ZC3H12C: variants seen among roughly 807,000 people sequenced by gnomAD.
ZC3H12C encodes probable ribonuclease ZC3H12C.
A neutral mutation model predicts 76.3 loss-of-function variants in ZC3H12C; 20 were observed. The observed-to-expected ratio is 0.26, with a 90% confidence interval of 0.18 to 0.38. The LOEUF (loss-of-function observed/expected upper bound fraction) is 0.38. Ranked by LOEUF, ZC3H12C falls within the 10% of genes least tolerant of loss-of-function variation. The probability of loss-of-function intolerance (pLI) is 1.00; values close to 1 mark genes in which losing one functional copy is unlikely to be tolerated. For synonymous variants in ZC3H12C, 352 were observed against 399.6 expected (o/e 0.88, Z 1.42); for missense variants, 874 against 1,086.5 (o/e 0.80, Z 2.75).
At chr11:110,139,576 A>G (rs1862032317) in intron 2 of ZC3H12C, among the ~76,000 whole-genome samples, 1 of 152,292 alleles carries the variant, frequency 6.6e-6, no homozygotes, top group Admixed American at 6.5e-5. Flanking sequence ...CTTCAGTAAG[A>G]TTACCTCTTG....
chr11:110,154,841 A>AAAAAAC (rs1862345553), intron 3 of ZC3H12C, among the ~76,000 whole-genome samples: 1 of 150,738 alleles, frequency 6.6e-6, no homozygotes, highest in Non-Finnish European at 1.5e-5. Context: ...GATTAAAAAA[A>AAAAAAC]AAAAAAAAAA....
rs1255362127 is a variant in ZC3H12C at position 110,170,729 on chromosome 11, G to A, written c.*4992G>A. 6.6e-6 allele frequency: 1 copy of A among 152,142 alleles called. No homozygotes were observed. The highest frequency in any genetic ancestry group is 1.5e-5 in the Non-Finnish European group (1 of 68,024). 9.4% of individuals were successfully genotyped at this position (152,142 alleles called of 1,614,324 possible). ...GTTTATTCACAGTGCTTTATACCGG[G>A]TGTTGCATCAGTAATCATTTTCATA... On this transcript the variant is annotated 3_prime_UTR_variant, in exon 6 of 6. Coordinates refer to ENST00000278590, the MANE Select transcript of ZC3H12C (RefSeq NM_033390.2).
At chr11:110,133,630 C>G (rs1262849702) in intron 1 of ZC3H12C, among the ~76,000 whole-genome samples, 1 of 152,008 alleles carries the variant, frequency 6.6e-6, no homozygotes, top group Non-Finnish European at 1.5e-5. Context: ...TAAATTATCA[C>G]TTTAAAAATA....
intron 1 of ZC3H12C, chr11:110,136,002 C>T (rs1412217178): frequency 1.3e-5 from 2 of 152,162 alleles, no homozygotes; most frequent in African/African-American, 2.4e-5. Context: ...GGGCAAAACC[C>T]TGTTCATCTC....
At position 110,169,128 on chromosome 11, in the gene ZC3H12C, G is replaced by C. The variant is rs1179016073; in HGVS notation, c.*3391G>C. ...GCAGTTCTTCACTGGTTTTATTCTTGGTATTTTCAAAGAATTATTTTGATA... is the reference window on the plus strand; with the variant it reads ...GCAGTTCTTCACTGGTTTTATTCTTCGTATTTTCAAAGAATTATTTTGATA... On this transcript the variant is annotated 3_prime_UTR_variant, in exon 6 of 6. Coordinates refer to ENST00000278590, the MANE Select transcript of ZC3H12C (RefSeq NM_033390.2). 6.6e-6 allele frequency: 1 copy of C among 151,578 alleles called. No individual in the cohort carries two copies. The highest frequency in any genetic ancestry group is 2.4e-5 in the African/African-American group (1 of 41,240). 9.4% of individuals were successfully genotyped at this position (151,578 alleles called of 1,614,324 possible). A position where few individuals can be genotyped will look rare whatever the true frequency, so the allele number is the denominator to read the frequency against.
rs950668418 is a variant in ZC3H12C at position 110,171,400 on chromosome 11, A to G, written c.*5663A>G. 9.9e-5 allele frequency: 15 copies of G among 152,102 alleles called. No homozygotes were observed. The highest frequency in any genetic ancestry group is 3.4e-4 in the African/African-American group (14 of 41,426). The allele number at this position is 152,102 out of a possible 1,614,324, so 9.4% of individuals were successfully genotyped here. ...TCATATGCTGCTAGTAGAATTTTTT[A>G]TTTGATCCTGCGAACTTTTCTTATA... On this transcript the variant is annotated 3_prime_UTR_variant, in exon 6 of 6. Coordinates refer to ENST00000278590, the MANE Select transcript of ZC3H12C (RefSeq NM_033390.2).
chr11:110,169,918 T>C lies in ZC3H12C; in HGVS notation c.*4181T>C, dbSNP rs1458749089. 1 of 152,182 alleles carries C rather than the reference T, an allele frequency of 6.6e-6. No individual in the cohort carries two copies. Among genetic ancestry groups the C allele is most frequent in the East Asian group, 1.9e-4 (1 of 5,200 alleles). The allele number at this position is 152,182 out of a possible 1,614,324, so 9.4% of individuals were successfully genotyped here. A position where few individuals can be genotyped will look rare whatever the true frequency, so the allele number is the denominator to read the frequency against. ...GAACAGCCACAGATAACATGTAAAT[T>C]AGTGTGGCTGTGTTCCAATAAAACT... is the stretch of plus-strand genomic sequence containing the variant. On this transcript the variant is annotated 3_prime_UTR_variant, in exon 6 of 6. Coordinates refer to ENST00000278590, the MANE Select transcript of ZC3H12C (RefSeq NM_033390.2).
At chr11:110,125,421 A>AG (rs999891251) in intron 1 of ZC3H12C, among the ~76,000 whole-genome samples, 2 of 152,122 alleles carry the variant, frequency 1.3e-5, no homozygotes, top group Non-Finnish European at 1.5e-5. Context: ...TCCAGGTTCA[A>AG]GGGATTCTCC....
Position 110,093,448 on chromosome 11 carries a change from G to A in ZC3H12C, c.21+16G>A. 8.3e-7 allele frequency: 1 copy of A among 1,205,076 alleles called. No homozygotes were observed. 74.6% of individuals were successfully genotyped at this position (1,205,076 alleles called of 1,614,324 possible). A position where few individuals can be genotyped will look rare whatever the true frequency, so the allele number is the denominator to read the frequency against. On this transcript the variant is annotated intron_variant, in intron 1 of 5. Transcript: ENST00000278590. The stretch of plus-strand genomic sequence containing the variant: ...CGGCTCCCAGGTTTGTCCTCGGGAA[G>A]GGGGTGGGGGACGCGGACCGCGGCG...
intron 2 of ZC3H12C, among the ~76,000 whole-genome samples, chr11:110,152,150 G>T (rs971170507): frequency 6.6e-6 from 1 of 152,108 alleles, no homozygotes; most frequent in African/African-American, 2.4e-5. Flanking sequence ...GAATTATTAG[G>T]TTAAAGTGTA....
At chr11:110,119,010 CAATTCCAAAGAGT>C (rs1229046857) in intron 1 of ZC3H12C, among the ~76,000 whole-genome samples, 1 of 152,086 alleles carries the variant, frequency 6.6e-6, no homozygotes, top group Non-Finnish European at 1.5e-5. Flanking sequence ...CTTGTCAAAG[CAATTCCAAAGAGT>C]ATCTGGAAGC....
intron 1 of ZC3H12C, among the ~76,000 whole-genome samples, chr11:110,135,511 A>AAG (rs1555019869): frequency 2.7e-5 from 4 of 150,380 alleles, no homozygotes; most frequent in African/African-American, 9.8e-5. Flanking sequence ...AAAAAAAAAA[A>AAG]GTAAATCCTT....
rs1242964133 is a variant in ZC3H12C at position 110,164,781 on chromosome 11, A to T, written c.1696A>T (p.Thr566Ser). 2 of 1,614,064 alleles carry T rather than the reference A, an allele frequency of 1.2e-6. No homozygotes were observed. Among genetic ancestry groups the T allele is most frequent in the Non-Finnish European group, 1.7e-6 (2 of 1,179,898 alleles). ...QGQYPSMMMA[T>S]KNHGTPMPYE... is the part of the protein sequence containing the mutation. ...ACAATATCCTTCAATGATGATGGCA[A>T]CCAAAAATCATGGAACGCCAATGCC... is the stretch of plus-strand genomic sequence containing the variant. Residue 566 changes from threonine (T) to serine (S), a missense_variant, in exon 6 of 6, where the codon ACC becomes TCC. Physicochemically the swap from Thr to Ser is moderately conservative, Grantham distance 58. This residue lies in a region of ZC3H12C where 395 missense variants were observed against 434.4 expected (regional missense o/e 0.91). Transcript: ENST00000278590. This position sits in a 1 kb window ranked among gnomAD's most constrained non-coding sequence, Gnocchi z 5.7.
chr11:110,157,193 A>AAT (rs1287246430), intron 3 of ZC3H12C, among the ~76,000 whole-genome samples: 1 of 151,582 alleles, frequency 6.6e-6, no homozygotes, highest in East Asian at 1.9e-4. Flanking sequence ...AAAAAAAAAA[A>AAT]CAGAGAGATC....
chr11:110,147,913 C>T (rs181894972), intron 2 of ZC3H12C, among the ~76,000 whole-genome samples: 2 of 152,244 alleles, frequency 1.3e-5, no homozygotes, highest in East Asian at 3.9e-4. Context: ...ATAAGGCTAG[C>T]AATTTTCCCC....
At chr11:110,153,419 C>T (rs1332205897) in intron 3 of ZC3H12C, among the ~76,000 whole-genome samples, 3 of 152,266 alleles carry the variant, frequency 2.0e-5, no homozygotes, top group African/African-American at 7.2e-5. Flanking sequence ...AACTCCTGAC[C>T]TCAACTGATC....
chr11:110,134,454 A>G (rs1370375077), intron 1 of ZC3H12C, among the ~76,000 whole-genome samples: 2 of 152,014 alleles, frequency 1.3e-5, no homozygotes, highest in South Asian at 2.1e-4. Flanking sequence ...CATGAAGGCC[A>G]TGGTGTGGAC....
At chr11:110,098,596 A>G (rs1253206723) in intron 1 of ZC3H12C, among the ~76,000 whole-genome samples, 1 of 152,194 alleles carries the variant, frequency 6.6e-6, no homozygotes, top group Non-Finnish European at 1.5e-5. Context: ...TAAGTGCCCT[A>G]TATAGGTGTA....
intron 1 of ZC3H12C, among the ~76,000 whole-genome samples, chr11:110,117,565 A>C (rs1262996486): frequency 6.6e-6 from 1 of 150,546 alleles, no homozygotes; most frequent in Non-Finnish European, 1.5e-5. Flanking sequence ...TAAATTTCAA[A>C]CAACCATATT....
Sources: allele counts gnomAD v4.1 joint callset (sites outside exome capture counted in the v4.1 genomes callset), GRCh38; gene constraint gnomAD v4.1.1; regional missense constraint gnomAD v4.1.1; non-coding constraint Gnocchi (gnomAD v3.1); transcripts MANE v1.5; gene names NCBI Gene and HGNC (gene_info 2026-07-23, HGNC 2026-07-21).